Variants in ANKRD36C observed in about 807,000 individuals in gnomAD.
ANKRD36C encodes the protein ankyrin repeat domain-containing protein 36C.
In ANKRD36C, 61 loss-of-function variants were observed where a neutral mutation model predicts 276.4. The ratio of observed to expected loss-of-function variants is 0.22; its 90% CI spans 0.18 to 0.27. The LOEUF (loss-of-function observed/expected upper bound fraction) is 0.27. Ranked by LOEUF, ANKRD36C falls within the 10% of genes least tolerant of loss-of-function variation. The pLI is 1.00. For synonymous variants in ANKRD36C, 483 were observed against 680.1 expected (o/e 0.71, Z 4.51); for missense variants, 1,447 against 2,032.3 (o/e 0.71, Z 5.54).
intron 63 of ANKRD36C, among the ~76,000 whole-genome samples, chr2:95,854,407 C>T (rs1477058974): frequency 6.6e-6 from 1 of 151,914 alleles, no homozygotes; most frequent in South Asian, 2.1e-4. Flanking sequence ...CATTCCTACT[C>T]TACGTGAATC....
At position 95,902,789 on chromosome 2, in the gene ANKRD36C, T is replaced by A. The variant is rs1052148958; in HGVS notation, c.2654-3453A>T. The A allele has an allele frequency of 6.7e-6, 9 of 1,352,648 alleles. No individual in the cohort carries two copies. In the African/African-American group the frequency reaches 1.2e-4, roughly 18 times the overall value. The allele number at this position is 1,352,648 out of a possible 1,614,324, so 83.8% of individuals were successfully genotyped here. A position where few individuals can be genotyped will look rare whatever the true frequency, so the allele number is the denominator to read the frequency against. On this transcript the variant is annotated intron_variant, in intron 42 of 66. Transcript: ENST00000456556. ...GAATCTCAGGACTGCTGAATCAGAA[T>A]GTGCAGCTTCAACGAGCCCCCCGCT...
chr2:95,915,532 A>G (rs184083733), intron 38 of ANKRD36C, among the ~76,000 whole-genome samples: 1 of 151,474 alleles, frequency 6.6e-6, no homozygotes, highest in African/African-American at 2.4e-5. Context: ...ATCCATCTTC[A>G]TTCGGAAAAT....
intron 59 of ANKRD36C, among the ~76,000 whole-genome samples, chr2:95,873,419 CAT>C (rs1204250069): frequency 6.6e-6 from 1 of 152,212 alleles, no homozygotes; most frequent in African/African-American, 2.4e-5. Context: ...ACAAAAACCA[CAT>C]GATTATCTCA....
At chr2:95,973,189 G>A (rs868508726) in intron 6 of ANKRD36C, among the ~76,000 whole-genome samples, 56 of 151,950 alleles carry the variant, frequency 3.7e-4, no homozygotes, top group Middle Eastern at 3.4e-3. Context: ...TGGGGCGGGC[G>A]GATCACAAGG....
chr2:95,871,307 C>T (rs1573729768), intron 59 of ANKRD36C, among the ~76,000 whole-genome samples: 1 of 152,154 alleles, frequency 6.6e-6, no homozygotes, highest in Non-Finnish European at 1.5e-5. Context: ...ATCAGACTAA[C>T]AGTGGATCTC....
intron 60 of ANKRD36C, among the ~76,000 whole-genome samples, chr2:95,866,575 A>G (rs1336638942): frequency 6.6e-6 from 1 of 152,146 alleles, no homozygotes; most frequent in Non-Finnish European, 1.5e-5. Flanking sequence ...TAAACCCATA[A>G]GAATATACAT....
intron 26 of ANKRD36C, among the ~76,000 whole-genome samples, chr2:95,928,196 C>T (rs1339318138): frequency 6.6e-6 from 1 of 151,606 alleles, no homozygotes; most frequent in African/African-American, 2.4e-5. Flanking sequence ...AAAATCACCA[C>T]TGTAGGAGTT....
intron 4 of ANKRD36C, 56 bp downstream of exon 4, chr2:95,982,200 C>T (rs1678937322): frequency 1.5e-6 from 2 of 1,327,636 alleles, no homozygotes; most frequent in Non-Finnish European, 2.0e-6. Flanking sequence ...TGACCGCTAC[C>T]ACTCTAAAAT....
exon 8 of ANKRD36C, chr2:95,962,372 T>C (rs1558657897): frequency 6.4e-7 from 1 of 1,558,494 alleles, no homozygotes; most frequent in Non-Finnish European, 8.7e-7. Context: ...TTTTTGTCCA[T>C]CCTTTATTTC....
chr2:95,913,493 C>A (rs1573760897), intron 40 of ANKRD36C, among the ~76,000 whole-genome samples: 1 of 151,356 alleles, frequency 6.6e-6, no homozygotes. Context: ...TCCAATTATA[C>A]CATTGTTTCC....
intron 6 of ANKRD36C, among the ~76,000 whole-genome samples, chr2:95,967,563 T>C (rs907602047): frequency 2.0e-5 from 3 of 152,106 alleles, no homozygotes; most frequent in Non-Finnish European, 4.4e-5. Flanking sequence ...GTTCAACCAT[T>C]GTGGAAGACA....
At chr2:95,918,582 GT>G (rs1214405739) in intron 34 of ANKRD36C, among the ~76,000 whole-genome samples, 1 of 151,610 alleles carries the variant, frequency 6.6e-6, no homozygotes, top group East Asian at 2.0e-4. Context: ...TTGGATATCT[GT>G]TTGCTGATAC....
chr2:95,878,581 A>T (rs550655409), intron 58 of ANKRD36C, among the ~76,000 whole-genome samples: 2 of 152,250 alleles, frequency 1.3e-5, no homozygotes, highest in African/African-American at 4.8e-5. Flanking sequence ...AGTACCTTAC[A>T]TGTATAATTT....
At chr2:95,942,693 C>CA (rs1558649661) in intron 19 of ANKRD36C, among the ~76,000 whole-genome samples, 1 of 152,252 alleles carries the variant, frequency 6.6e-6, no homozygotes, top group Non-Finnish European at 1.5e-5. Flanking sequence ...TATCACCATG[C>CA]AAGCTGAAGA....
chr2:95,916,147 A>G, exon 37 of ANKRD36C: 10 of 1,605,424 alleles, frequency 6.2e-6, no homozygotes, highest in Admixed American at 1.7e-5. Flanking sequence ...CATTACCTTC[A>G]AGGCTGGTTT....
chr2:95,912,760 C>T (rs1301085707), intron 40 of ANKRD36C, among the ~76,000 whole-genome samples: 1 of 151,456 alleles, frequency 6.6e-6, no homozygotes, highest in East Asian at 2.0e-4. Flanking sequence ...GCAACTCATA[C>T]ACGTGAGAAT....
chr2:95,860,204 T>A, intron 60 of ANKRD36C, 130 bp from the exon 81 acceptor site: 2 of 718,402 alleles, frequency 2.8e-6, no homozygotes, highest in Non-Finnish European at 4.6e-6. Flanking sequence ...GCCTACAAAG[T>A]GGAAGATATT....
intron 42 of ANKRD36C, among the ~76,000 whole-genome samples, chr2:95,911,519 T>A (rs1676923495): frequency 6.6e-6 from 1 of 151,516 alleles, no homozygotes. Flanking sequence ...CGTAGTCATA[T>A]TCAAGTTTAT....
intron 62 of ANKRD36C, among the ~76,000 whole-genome samples, chr2:95,856,417 G>C (rs908397076): frequency 2.6e-5 from 4 of 152,006 alleles, no homozygotes; most frequent in Admixed American, 2.0e-4. Flanking sequence ...GAAACCACTA[G>C]ATAATTTTTT....
Sources: gnomAD v4.1 joint callset for allele counts (sites outside exome capture counted in the v4.1 genomes callset) on GRCh38, gnomAD v4.1.1 for gene constraint, MANE v1.5 for transcripts, NCBI Gene and HGNC (gene_info 2026-07-23, HGNC 2026-07-21) for gene names.